Variants in UBE3C observed in about 807,000 individuals in gnomAD.
UBE3C encodes ubiquitin-protein ligase E3C.
A neutral mutation model predicts 129.4 loss-of-function variants in UBE3C; 42 were observed. The observed-to-expected ratio is 0.32, with a 90% CI of 0.25 to 0.42. The LOEUF (loss-of-function observed/expected upper bound fraction) is 0.42. Among genes scored for constraint, UBE3C ranks in the 10% least tolerant of loss-of-function variants. UBE3C has a pLI of 1.00. For synonymous variants in UBE3C, 510 were observed against 492.4 expected (o/e 1.04, Z -0.47); for missense variants, 1,049 against 1,319.1 (o/e 0.80, Z 3.17).
At chr7:157,158,641 T>TA (rs1171805467) in intron 1 of UBE3C, among the ~76,000 whole-genome samples, 1 of 152,262 alleles carries the variant, frequency 6.6e-6, no homozygotes, top group Non-Finnish European at 1.5e-5. Flanking sequence ...GAGCAGCTGT[T>TA]ATTTTCCTGG....
chr7:157,262,523 A>T (rs1796947246), intron 22 of UBE3C, among the ~76,000 whole-genome samples: 1 of 143,676 alleles, frequency 7.0e-6, no homozygotes, highest in Non-Finnish European at 1.5e-5. Context: ...GGTTCAAGTG[A>T]TTCTCCTGCC....
intron 16 of UBE3C, 74 bp downstream of exon 16, chr7:157,223,425 AAATCTCTAAAG>A: frequency 7.5e-7 from 1 of 1,341,100 alleles, no homozygotes; most frequent in African/African-American, 1.5e-5. Context: ...CCCACCAGAG[AAATCTCTAAAG>A]GTGCCTAGTG....
intron 3 of UBE3C, 149 bp from the exon 4 acceptor site, chr7:157,170,155 T>G: frequency 3.5e-6 from 2 of 578,168 alleles, no homozygotes; most frequent in Non-Finnish European, 5.2e-6. Context: ...ATTTTTTTTC[T>G]ACAATTCAAC....
intron 10 of UBE3C, chr7:157,192,374 A>C: frequency 1.5e-6 from 1 of 667,648 alleles, no homozygotes; most frequent in South Asian, 1.4e-5. Flanking sequence ...CAAAATGCAG[A>C]TTTCCATAAA....
chr7:157,159,308 GA>G lies in UBE3C; in HGVS notation c.67-4495del, dbSNP rs1197372264. On this transcript the variant is annotated intron_variant, in intron 1 of 22. Coordinates refer to ENST00000348165, the MANE Select transcript of UBE3C (RefSeq NM_014671.3). ...GTATTTGACACAGCAGGCATGTGGG[GA>G]AAAAAAGAAAAGATTAAAAAAAAAA... 2.3e-3 allele frequency among the ~76,000 whole-genome samples: 327 copies of G among 140,098 alleles called. 1 individual carries two copies. The highest frequency in any genetic ancestry group is 9.4e-3 in the African/African-American group (306 of 32,598). The allele number at this position is 140,098 out of a possible 152,430, so 91.9% of individuals were successfully genotyped here.
At chr7:157,249,322 T>G (rs926553501) in intron 19 of UBE3C, among the ~76,000 whole-genome samples, 1 of 145,212 alleles carries the variant, frequency 6.9e-6, no homozygotes. Flanking sequence ...GATAGAGTCT[T>G]TTTTTTTTTT....
rs548318982 is a variant in UBE3C at position 157,208,369 on chromosome 7, G to C, written c.1809+434G>C. ...GGGATTATAGGCGTGAGCCACTGCA[G>C]CTGGCCTATATACCTTTTTAATTAA... On this transcript the variant is annotated intron_variant, in intron 13 of 22. Coordinates refer to ENST00000348165, the MANE Select transcript of UBE3C (RefSeq NM_014671.3). Among the ~76,000 whole-genome samples the C allele has an allele frequency of 2.6e-5, 4 of 151,958 alleles. No individual in the cohort carries two copies. In the East Asian group the frequency reaches 7.7e-4, roughly 29 times the overall value.
intron 15 of UBE3C, chr7:157,222,552 T>G (rs1795766464): frequency 6.6e-6 from 1 of 152,220 alleles, no homozygotes; most frequent in Admixed American, 6.6e-5. Flanking sequence ...CCTGAGTAGC[T>G]GGGACTATAG....
rs1005273914 is a variant in UBE3C, at chr7:157,267,608, T to A, written c.3105T>A (p.Ile1035=). 6.2e-7 allele frequency: 1 copy of A among 1,613,284 alleles called. No homozygotes were observed. The highest frequency in any genetic ancestry group is 8.5e-7 in the Non-Finnish European group (1 of 1,179,758). The stretch of plus-strand genomic sequence containing the variant: ...AGGAGTTGTATCCCGCATTTTGTAT[T>A]CACAACGGAGGCTCCGACCTTGAGC... ...GFKELYPAFC[I]HNGGSDLERL... The change falls in exon 23 of 23, where the codon ATT becomes ATA. Residue 1035 remains isoleucine, a synonymous_variant. Transcript: ENST00000348165.
At chr7:157,206,625 G>T (rs989039679) in intron 11 of UBE3C, among the ~76,000 whole-genome samples, 3 of 150,320 alleles carry the variant, frequency 2.0e-5, no homozygotes, top group South Asian at 2.1e-4. Flanking sequence ...GTCTGGCTCT[G>T]TTCCCCAGGC....
chr7:157,239,874 A>G (rs982970803), intron 18 of UBE3C, among the ~76,000 whole-genome samples: 2 of 152,160 alleles, frequency 1.3e-5, no homozygotes, highest in Non-Finnish European at 2.9e-5. Context: ...TGAGCTGGGG[A>G]GCAGGAGCTC....
In UBE3C at chr7:157,207,804, G is replaced by A; in HGVS notation, c.1678G>A (p.Ala560Thr). ...TGCATGCCTGGGGATCATCAAGTTGGCTTATCCAGAAACCAAGCCAGAAGT... is the reference window on the plus strand; with the variant it reads ...TGCATGCCTGGGGATCATCAAGTTGACTTATCCAGAAACCAAGCCAGAAGT... ...RDACLGIIKL[A>T]YPETKPEVRE... is the part of the protein sequence containing the mutation. Residue 560 changes from alanine (A) to threonine (T), a missense_variant, in exon 13 of 23, where the codon GCT becomes ACT. By Grantham distance (58) the Ala-to-Thr change is moderately conservative. Around this residue, in one of 4 missense-constraint regions of UBE3C, gnomAD observed 314 missense variants for 416.9 expected, o/e 0.75. Coordinates refer to ENST00000348165, the MANE Select transcript of UBE3C (RefSeq NM_014671.3). The A allele has an allele frequency of 6.2e-7, 1 of 1,614,120 alleles. No homozygotes were observed. Among genetic ancestry groups the A allele is most frequent in the Non-Finnish European group, 8.5e-7 (1 of 1,180,018 alleles).
chr7:157,216,785 C>T, intron 13 of UBE3C, 82 bp from the exon 14 acceptor site: 1 of 1,114,676 alleles, frequency 9.0e-7, no homozygotes, highest in South Asian at 1.3e-5. Context: ...GCTGTGTGCT[C>T]CTCCTCGAGT....
intron 9 of UBE3C, among the ~76,000 whole-genome samples, chr7:157,184,589 A>T (rs1253715050): frequency 6.6e-6 from 1 of 152,230 alleles, no homozygotes; most frequent in African/African-American, 2.4e-5. Context: ...GGTCTTAAGC[A>T]ATTGAAATGG....
intron 10 of UBE3C, chr7:157,192,248 C>T (rs1470345386): frequency 3.0e-6 from 1 of 335,802 alleles, no homozygotes; most frequent in Non-Finnish European, 5.6e-6. Flanking sequence ...GAAGCATATT[C>T]CACCAAAGTG....
chr7:157,194,100 T>C (rs1236115748), intron 10 of UBE3C, among the ~76,000 whole-genome samples: 1 of 152,232 alleles, frequency 6.6e-6, no homozygotes, highest in East Asian at 1.9e-4. Context: ...TGTTCAGTTC[T>C]TTTAAGAAAT....
At chr7:157,179,548 C>T (rs1423998792) in intron 6 of UBE3C, among the ~76,000 whole-genome samples, 1 of 152,136 alleles carries the variant, frequency 6.6e-6, no homozygotes, top group Non-Finnish European at 1.5e-5. Context: ...AATCCTAACA[C>T]AAAAGAACCT....
chr7:157,231,647 G>A, intron 18 of UBE3C: 1 of 313,018 alleles, frequency 3.2e-6, no homozygotes, highest in Non-Finnish European at 6.0e-6. Flanking sequence ...GGGCCCTGGT[G>A]ACTTTTTACA....
At chr7:157,198,216 C>A (rs1162569253) in intron 10 of UBE3C, 1 of 1,519,852 alleles carries the variant, frequency 6.6e-7, no homozygotes, top group Non-Finnish European at 9.1e-7. Context: ...AGACCGCTTA[C>A]AAAAGGAATT....
Sources: gnomAD v4.1 joint callset for allele counts (sites outside exome capture counted in the v4.1 genomes callset) on GRCh38, gnomAD v4.1.1 for gene constraint, gnomAD v4.1.1 regional missense constraint, MANE v1.5 for transcripts, NCBI Gene and HGNC (gene_info 2026-07-23, HGNC 2026-07-21) for gene names.